The following HOGA1 variants were observed in gnomAD, a reference collection of about 807,000 sequenced individuals.
The protein encoded by HOGA1 is 4-hydroxy-2-oxoglutarate aldolase 1, also known as 4-hydroxy-2-oxoglutarate aldolase, mitochondrial.
In HOGA1, 30 loss-of-function variants were observed where a neutral mutation model predicts 34.3. The ratio of observed to expected loss-of-function variants is 0.87; its 90% confidence interval spans 0.65 to 1.19. HOGA1 has a LOEUF of 1.19. Ranked by LOEUF, HOGA1 falls within the 50% of genes most tolerant of loss-of-function variation. The pLI, the probability that HOGA1 is intolerant of heterozygous loss-of-function variation, is 0.00. For synonymous variants in HOGA1, 161 were observed against 174.0 expected (o/e 0.93, Z 0.59); for missense variants, 417 against 436.5 (o/e 0.96, Z 0.40).
chr10:97,586,302 A>G (rs2040971120), intron 1 of HOGA1, among the ~76,000 whole-genome samples: 1 of 152,222 alleles, frequency 6.6e-6, no homozygotes, highest in African/African-American at 2.4e-5. Flanking sequence ...GTGGAGTAAT[A>G]TACATTGGAA....
Position 97,588,601 on chromosome 10 carries a change from C to T in HOGA1, c.211+3687C>T, listed in dbSNP as rs2040991334. ...ATGGCCCTGAACTCACACCCATAAA[C>T]ACCCTCAAAGATGGACTTTGAATTG... On this transcript the variant is annotated intron_variant, in intron 1 of 6. Coordinates refer to ENST00000370646, the MANE Select transcript of HOGA1 (RefSeq NM_138413.4). Among the ~76,000 whole-genome samples, 3 of 152,340 alleles carry T rather than the reference C, an allele frequency of 2.0e-5. No individual in the cohort carries two copies. The South Asian group carries it at 6.2e-4, about 32-fold the overall frequency.
chr10:97,593,349 C>A (rs1224230450), intron 1 of HOGA1, among the ~76,000 whole-genome samples: 4 of 151,986 alleles, frequency 2.6e-5, no homozygotes, highest in Non-Finnish European at 5.9e-5. Context: ...TGGTGGCAGG[C>A]ACCTGTAATC....
intron 1 of HOGA1, among the ~76,000 whole-genome samples, chr10:97,594,218 C>T (rs2135718140): frequency 7.1e-6 from 1 of 140,016 alleles, no homozygotes; most frequent in African/African-American, 2.7e-5. Flanking sequence ...CTCTGTCACC[C>T]AGGCTACCGA....
chr10:97,600,742 C>T (rs1180693935), intron 5 of HOGA1: 2 of 167,754 alleles, frequency 1.2e-5, no homozygotes, highest in African/African-American at 4.8e-5. Context: ...AAGCTGTTCC[C>T]TTCAGCTGAA....
intron 1 of HOGA1, among the ~76,000 whole-genome samples, chr10:97,597,231 T>C (rs1341233939): frequency 6.6e-6 from 1 of 151,946 alleles, no homozygotes; most frequent in Non-Finnish European, 1.5e-5. Context: ...TTTTGTAAAG[T>C]CAGGGTCTCA....
intron 1 of HOGA1, 93 bp downstream of exon 1, chr10:97,585,007 C>T (rs1234847365): frequency 8.7e-6 from 9 of 1,039,720 alleles, no homozygotes; most frequent in East Asian, 5.0e-5. Flanking sequence ...GTCAAGCTGT[C>T]CAGGGATAGT....
At position 97,594,365 on chromosome 10, in the gene HOGA1, A is replaced by AT. The variant is rs554214273; in HGVS notation, c.212-4403dup. Among the ~76,000 whole-genome samples, 843 of 148,186 alleles carry AT rather than the reference A, an allele frequency of 5.7e-3. 3 individuals are homozygous for AT. The highest frequency in any genetic ancestry group is 0.032 in the Middle Eastern group (9 of 280). ...TAATTTTTGATTTTTAATTTTTTTT[A>AT]TTTTTTTAAGACAGAGTCTTACACT... On this transcript the variant is annotated intron_variant, in intron 1 of 6. Coordinates refer to ENST00000370646, the MANE Select transcript of HOGA1 (RefSeq NM_138413.4).
chr10:97,599,887 C>T, intron 4 of HOGA1, 73 bp downstream of exon 4: 1 of 1,603,278 alleles, frequency 6.2e-7, no homozygotes, highest in Non-Finnish European at 8.5e-7. Flanking sequence ...CTCCTGAGGG[C>T]AGCTCTGAGA....
chr10:97,584,957 G>A, intron 1 of HOGA1, 43 bp downstream of exon 1: 1 of 1,558,356 alleles, frequency 6.4e-7, no homozygotes. Context: ...AGATGTGAGT[G>A]GCCCTTTAGC....
chr10:97,601,070 C>G (rs953573419), intron 5 of HOGA1: 1 of 153,080 alleles, frequency 6.5e-6, no homozygotes, highest in Non-Finnish European at 1.5e-5. Flanking sequence ...ACTCTGTGTA[C>G]AGAGGGATCA....
chr10:97,592,242 T>TTC (rs2041031375), intron 1 of HOGA1, among the ~76,000 whole-genome samples: 1 of 144,670 alleles, frequency 6.9e-6, no homozygotes, highest in Non-Finnish European at 1.5e-5. Context: ...TCCCTGTACT[T>TTC]TTTTTTTTTT....
chr10:97,600,103 A>T lies in HOGA1; in HGVS notation c.640A>T (p.Lys214Ter). Residue 214 changes from lysine (K) to a stop codon, truncating the protein, a stop_gained, in exon 5 of 7, where the codon AAG (lysine) becomes TAG (stop). Coordinates refer to ENST00000370646, the MANE Select transcript of HOGA1 (RefSeq NM_138413.4). LOFTEE classifies it high-confidence loss of function. ...RIGLIVHKTR[K>*]QDFQVLAGSA... ...TGGGCTGATTGTTCACAAGACCAGGAAGCAGGATTTTCAGGTGTTGGCTGG... is the reference window on the plus strand; with the variant it reads ...TGGGCTGATTGTTCACAAGACCAGGTAGCAGGATTTTCAGGTGTTGGCTGG... The T allele has an allele frequency of 6.2e-7, 1 of 1,614,174 alleles. No homozygotes were observed. Among genetic ancestry groups the T allele is most frequent in the Non-Finnish European group, 8.5e-7 (1 of 1,180,030 alleles).
intron 6 of HOGA1, 172 bp downstream of exon 6, chr10:97,602,162 T>A: frequency 1.3e-6 from 2 of 1,549,114 alleles, no homozygotes; most frequent in Non-Finnish European, 1.7e-6. Flanking sequence ...AAATCCTGAC[T>A]TCGGACAAAG....
At chr10:97,611,379 A>C in intron 6 of HOGA1, 131 bp from the exon 7 acceptor site, 1 of 989,526 alleles carries the variant, frequency 1.0e-6, no homozygotes, top group Non-Finnish European at 1.6e-6. Flanking sequence ...CCTGGGTGCC[A>C]TAGAGTTGGC....
intron 6 of HOGA1, among the ~76,000 whole-genome samples, chr10:97,607,508 C>T (rs1489087638): frequency 4.6e-5 from 7 of 152,166 alleles, no homozygotes; most frequent in Admixed American, 2.0e-4. Flanking sequence ...ATTGTCTGTA[C>T]CCATTGGCAC....
chr10:97,608,632 C>T (rs1391800072), intron 6 of HOGA1, among the ~76,000 whole-genome samples: 1 of 152,024 alleles, frequency 6.6e-6, no homozygotes, highest in Non-Finnish European at 1.5e-5. Context: ...TGGTGAAACC[C>T]TCTCTCTATT....
chr10:97,603,347 C>T lies in HOGA1; in HGVS notation c.834+1357C>T, dbSNP rs1166328444. ...CTAGAGTACAGTGGTGTGATGACAG[C>T]TCACTGCAACCTCAATGTCCTGGGC... On this transcript the variant is annotated intron_variant, in intron 6 of 6. Coordinates refer to ENST00000370646, the MANE Select transcript of HOGA1 (RefSeq NM_138413.4). This position sits in a 1 kb window ranked among gnomAD's most constrained non-coding sequence, Gnocchi z 4.5. 1.3e-5 allele frequency among the ~76,000 whole-genome samples: 2 copies of T among 151,980 alleles called. No individual in the cohort carries two copies. The highest frequency in any genetic ancestry group is 4.8e-5 in the African/African-American group (2 of 41,394).
rs747477606 is a variant in HOGA1 at position 97,589,864 on chromosome 10, G to A, written c.211+4950G>A. ...AGCAGCCATCATGCAAGGTGGTGCTGGGGACTGCCCTCTTGCTAGGAGGTG... is the reference window on the plus strand; with the variant it reads ...AGCAGCCATCATGCAAGGTGGTGCTAGGGACTGCCCTCTTGCTAGGAGGTG... On this transcript the variant is annotated intron_variant, in intron 1 of 6. Transcript: ENST00000370646. 11 of 1,551,604 alleles carry A rather than the reference G, an allele frequency of 7.1e-6. No homozygotes were observed. In the East Asian group the frequency reaches 1.8e-4, roughly 25 times the overall value.
At chr10:97,585,666 CAT>C (rs1396399369) in intron 1 of HOGA1, among the ~76,000 whole-genome samples, 4 of 152,354 alleles carry the variant, frequency 2.6e-5, no homozygotes, top group African/African-American at 9.6e-5. Context: ...TCGGCTAACA[CAT>C]AGCTGAGCTG....
Sources: allele counts gnomAD v4.1 joint callset (sites outside exome capture counted in the v4.1 genomes callset), GRCh38; gene constraint gnomAD v4.1.1; non-coding constraint Gnocchi (gnomAD v3.1); transcripts MANE v1.5; gene names NCBI Gene and HGNC (gene_info 2026-07-23, HGNC 2026-07-21).